Variants in IL1RAPL1 observed in about 807,000 individuals in gnomAD.
IL1RAPL1 encodes interleukin 1 receptor accessory protein like 1.
A neutral mutation model predicts 48.4 loss-of-function variants in IL1RAPL1; 3 were observed. That is an observed-to-expected ratio of 0.06 (90% confidence interval 0.03 to 0.16). The LOEUF (loss-of-function observed/expected upper bound fraction) is 0.16, where lower values mean the gene tolerates loss of function less well. IL1RAPL1 is among the 10% of genes least tolerant of loss of function. The pLI, the probability that IL1RAPL1 is intolerant of heterozygous loss-of-function variation, is 1.00. For synonymous variants in IL1RAPL1, 185 were observed against 187.7 expected (o/e 0.99, Z 0.12); for missense variants, 349 against 530.6 (o/e 0.66, Z 3.36).
intron 6 of IL1RAPL1, among the ~76,000 whole-genome samples, chrX:29,689,331 G>A (rs750424042): frequency 8.9e-6 from 1 of 111,747 alleles, no homozygotes; most frequent in Non-Finnish European, 1.9e-5. Flanking sequence ...ATATTAAAAA[G>A]CTTATTTCAC....
intron 6 of IL1RAPL1, among the ~76,000 whole-genome samples, chrX:29,700,222 T>A (rs1927015525): frequency 8.9e-6 from 1 of 112,345 alleles, no homozygotes; most frequent in Non-Finnish European, 1.9e-5. Flanking sequence ...TTATTTGATA[T>A]GAAATGCACA....
intron 2 of IL1RAPL1, among the ~76,000 whole-genome samples, chrX:29,094,655 T>C (rs1928166537): frequency 1.1e-5 from 1 of 95,033 alleles, no homozygotes; most frequent in African/African-American, 3.9e-5. Context: ...CCTGTAATCA[T>C]AGCTACTCGG....
At chrX:29,410,711 G>A (rs1174999926) in intron 5 of IL1RAPL1, among the ~76,000 whole-genome samples, 1 of 111,480 alleles carries the variant, frequency 9.0e-6, no homozygotes, top group Non-Finnish European at 1.9e-5. Flanking sequence ...TTGCAAGAAT[G>A]TTCTTTTTTA....
chrX:28,935,458 G>T (rs1270710292), intron 2 of IL1RAPL1, among the ~76,000 whole-genome samples: 1 of 111,273 alleles, frequency 9.0e-6, no homozygotes, highest in African/African-American at 3.3e-5. Context: ...TTTATTTCTG[G>T]ACTCTCAGTT....
intron 2 of IL1RAPL1, among the ~76,000 whole-genome samples, chrX:29,088,738 T>G (rs904242916): frequency 9.2e-6 from 1 of 108,784 alleles, no homozygotes; most frequent in East Asian, 2.8e-4. Context: ...AATAATTGTC[T>G]TCAGAATAAG....
At chrX:28,781,295 T>C (rs113399558) in intron 1 of IL1RAPL1, among the ~76,000 whole-genome samples, 2 of 107,885 alleles carry the variant, frequency 1.9e-5, no homozygotes, top group Admixed American at 9.9e-5. Context: ...GTTTTTTTTT[T>C]ATTTATTTTT....
chrX:29,643,305 T>G (rs1925224046), intron 5 of IL1RAPL1, among the ~76,000 whole-genome samples: 1 of 111,706 alleles, frequency 9.0e-6, no homozygotes, highest in South Asian at 3.7e-4. Context: ...TCTAATAATT[T>G]GCATTTGGGT....
At chrX:28,991,364 G>A (rs1925599100) in intron 2 of IL1RAPL1, among the ~76,000 whole-genome samples, 2 of 107,668 alleles carry the variant, frequency 1.9e-5, no homozygotes, top group Admixed American at 1.0e-4. Flanking sequence ...AAATGTATCT[G>A]GATACCATAA....
intron 2 of IL1RAPL1, among the ~76,000 whole-genome samples, chrX:29,045,950 C>CTCCTCCTTCT (rs1555956648): frequency 0.22 from 15,934 of 71,990 alleles, 2,226 homozygotes; most frequent in Middle Eastern, 0.34. Flanking sequence ...CTTCCTCCTC[C>CTCCTCCTTCT]TCCTCCTCCT....
chrX:29,475,902 A>G (rs759310463), intron 5 of IL1RAPL1, among the ~76,000 whole-genome samples: 1 of 110,638 alleles, frequency 9.0e-6, no homozygotes, highest in East Asian at 2.8e-4. Flanking sequence ...AGACTTACAT[A>G]TAACAGAGAA....
At chrX:29,310,635 C>A (rs6630840) in intron 3 of IL1RAPL1, among the ~76,000 whole-genome samples, 1 of 98,099 alleles carries the variant, frequency 1.0e-5, no homozygotes, top group African/African-American at 5.6e-5. Flanking sequence ...ACACACACAA[C>A]TTTAATTATA....
chrX:29,392,429 T>C (rs1453918766), intron 3 of IL1RAPL1, among the ~76,000 whole-genome samples: 1 of 112,634 alleles, frequency 8.9e-6, no homozygotes, highest in East Asian at 2.8e-4. Context: ...ATATGTTTAT[T>C]AATGTGTCAC....
intron 2 of IL1RAPL1, among the ~76,000 whole-genome samples, chrX:28,811,201 G>A (rs1936789979): frequency 9.1e-6 from 1 of 110,480 alleles, no homozygotes; most frequent in Admixed American, 9.7e-5. Context: ...CCCTCTCCCA[G>A]TTTAGTTCAG....
At chrX:29,471,084 G>T (rs1934915478) in intron 5 of IL1RAPL1, among the ~76,000 whole-genome samples, 1 of 111,495 alleles carries the variant, frequency 9.0e-6, no homozygotes, top group Admixed American at 9.6e-5. Context: ...TCAATCAATA[G>T]AAGTTTATTT....
intron 5 of IL1RAPL1, among the ~76,000 whole-genome samples, chrX:29,663,460 C>T (rs1034375233): frequency 8.9e-6 from 1 of 112,085 alleles, no homozygotes; most frequent in African/African-American, 3.2e-5. Flanking sequence ...ATGAATGACT[C>T]TATGTCTTAC....
intron 1 of IL1RAPL1, among the ~76,000 whole-genome samples, chrX:28,785,750 A>G (rs187235664): frequency 1.8e-5 from 2 of 112,061 alleles, no homozygotes; most frequent in Admixed American, 9.5e-5. Context: ...AATAAACTAC[A>G]TGAAAGTTTT....
intron 1 of IL1RAPL1, among the ~76,000 whole-genome samples, chrX:28,645,733 G>A (rs994663141): frequency 8.1e-5 from 9 of 111,790 alleles, no homozygotes; most frequent in Non-Finnish European, 1.5e-4. Flanking sequence ...ATATTCCAAT[G>A]CAAATTAATG....
chrX:28,954,053 A>G (rs1176534453), intron 2 of IL1RAPL1, among the ~76,000 whole-genome samples: 2 of 111,573 alleles, frequency 1.8e-5, no homozygotes, highest in Non-Finnish European at 3.8e-5. Flanking sequence ...TGTTAACTCA[A>G]ATATTTTCAT....
chrX:29,198,997 C>T (rs1020729451), intron 2 of IL1RAPL1, among the ~76,000 whole-genome samples: 5 of 111,173 alleles, frequency 4.5e-5, no homozygotes, highest in Admixed American at 3.8e-4. Flanking sequence ...TGGCTGCATT[C>T]GGGAAAAAAG....
Sources: gnomAD v4.1 joint callset for allele counts (sites outside exome capture counted in the v4.1 genomes callset) on GRCh38, gnomAD v4.1.1 for gene constraint, MANE v1.5 for transcripts, NCBI Gene and HGNC (gene_info 2026-07-23, HGNC 2026-07-21) for gene names.